The following EML5 variants were observed in gnomAD, a reference collection of about 807,000 sequenced individuals.
EML5 encodes echinoderm microtubule-associated protein-like 5.
In EML5, 120 loss-of-function variants were observed where a neutral mutation model predicts 250.0. The ratio of observed to expected loss-of-function variants is 0.48; its 90% confidence interval spans 0.41 to 0.56. The LOEUF is 0.56. Ranked by LOEUF, EML5 falls within the 20% of genes least tolerant of loss-of-function variation. The probability of loss-of-function intolerance (pLI) is 0.00; values close to 1 mark genes in which losing one functional copy is unlikely to be tolerated. For synonymous variants in EML5, 771 were observed against 806.5 expected (o/e 0.96, Z 0.75); for missense variants, 2,006 against 2,437.6 (o/e 0.82, Z 3.73).
rs776125031 is a variant in EML5, at chr14:88,618,743, C to T, written c.5445G>A (p.Thr1815=). 17 of 1,605,766 alleles carry T rather than the reference C, an allele frequency of 1.1e-5. No individual in the cohort carries two copies. The highest frequency in any genetic ancestry group is 1.6e-4 in the Middle Eastern group (1 of 6,066). Residue 1815 remains threonine, a synonymous_variant, in exon 40 of 44, where the codon ACG becomes ACA. Transcript: ENST00000554922. Reference sequence around the variant, plus strand: ...TGATTCTGTTAAGAGTGGGGCCCAGCGTTAGGTCATAAAAATCCACTGAGT... The same window carrying T: ...TGATTCTGTTAAGAGTGGGGCCCAGTGTTAGGTCATAAAAATCCACTGAGT... ...SENSVDFYDL[T]LGPTLNRISY...
At chr14:88,781,430 C>T (rs185448356) in intron 1 of EML5, among the ~76,000 whole-genome samples, 6 of 152,268 alleles carry the variant, frequency 3.9e-5, no homozygotes, top group African/African-American at 1.4e-4. Flanking sequence ...TTTATCCCAC[C>T]TTGCACACAC....
intron 1 of EML5, among the ~76,000 whole-genome samples, chr14:88,779,736 G>A (rs1237838091): frequency 6.6e-6 from 1 of 152,140 alleles, no homozygotes; most frequent in Non-Finnish European, 1.5e-5. Flanking sequence ...TTATCTTGAG[G>A]AATGAATTTT....
Position 88,620,824 on chromosome 14 carries a change from T to G in EML5, c.5305A>C (p.Ile1769Leu). Residue 1769 changes from isoleucine to leucine, a missense_variant, in exon 39 of 44, where the codon ATT becomes CTT. By Grantham distance (5) the Ile-to-Leu change is conservative. Transcript: ENST00000554922. This position sits in a 1 kb window ranked among gnomAD's most constrained non-coding sequence, Gnocchi z 4.3. ...ATTTTTAGAGAACTCACTAGTAAAA[T>G]GATAAATTCTCCATTTTTCATTCCA... ...AIGMKNGEFI[I>L]LLVSSLKIWG... is the part of the protein sequence containing the mutation. 1 of 1,607,280 alleles carries G rather than the reference T, an allele frequency of 6.2e-7. No homozygotes were observed. The highest frequency in any genetic ancestry group is 8.5e-7 in the Non-Finnish European group (1 of 1,176,646).
intron 31 of EML5, among the ~76,000 whole-genome samples, chr14:88,640,081 G>GC (rs2090973351): frequency 6.6e-6 from 1 of 151,982 alleles, no homozygotes; most frequent in Admixed American, 6.6e-5. Context: ...ATACTACTAG[G>GC]CCCCCCAAAA....
At chr14:88,685,476 C>G (rs769475199) in intron 19 of EML5, among the ~76,000 whole-genome samples, 16 of 151,958 alleles carry the variant, frequency 1.1e-4, no homozygotes, top group Admixed American at 5.2e-4. Context: ...AATTTTAATT[C>G]AATTCAAGAT....
In EML5 at chr14:88,615,525, C is replaced by G; in HGVS notation, c.*293G>C. 1 of 322,136 alleles carries G rather than the reference C, an allele frequency of 3.1e-6. No homozygotes were observed. The highest frequency in any genetic ancestry group is 4.9e-5 in the East Asian group (1 of 20,226). 20.0% of individuals were successfully genotyped at this position (322,136 alleles called of 1,614,324 possible). A position where few individuals can be genotyped will look rare whatever the true frequency, so the allele number is the denominator to read the frequency against. ...AGTGCTCTACCCTAAATTTTCCCAG[C>G]AGGTCTGCCGAAATCACACACTTCC... On this transcript the variant is annotated 3_prime_UTR_variant, in exon 44 of 44. Transcript: ENST00000554922.
chr14:88,650,296 T>C (rs978077346), intron 27 of EML5, among the ~76,000 whole-genome samples: 1 of 151,636 alleles, frequency 6.6e-6, no homozygotes, highest in African/African-American at 2.4e-5. Flanking sequence ...CTACTAAAAA[T>C]AACAAAAAAT....
intron 10 of EML5, among the ~76,000 whole-genome samples, chr14:88,707,047 C>A (rs1446287076): frequency 6.6e-6 from 1 of 152,012 alleles, no homozygotes; most frequent in Non-Finnish European, 1.5e-5. Flanking sequence ...TGGGTTTTGT[C>A]TAATGCCTCC....
chr14:88,664,838 G>A (rs1310901442), intron 22 of EML5, among the ~76,000 whole-genome samples: 3 of 151,918 alleles, frequency 2.0e-5, no homozygotes, highest in Non-Finnish European at 4.4e-5. Flanking sequence ...TAGTTCAGTG[G>A]GAAGCAAATG....
chr14:88,657,312 A>G (rs930370800), intron 27 of EML5, 64 bp downstream of exon 27: 35 of 1,479,054 alleles, frequency 2.4e-5, no homozygotes, highest in Non-Finnish European at 3.1e-5. Flanking sequence ...AGCCACTTAA[A>G]TAATAAATTC....
chr14:88,719,871 T>C (rs539577741), intron 8 of EML5, among the ~76,000 whole-genome samples: 12 of 151,630 alleles, frequency 7.9e-5, no homozygotes, highest in African/African-American at 2.4e-4. Context: ...AAAAAATTAA[T>C]AAAATAAATA....
chr14:88,688,467 C>A lies in EML5; in HGVS notation c.2546G>T (p.Gly849Val). 6.2e-7 allele frequency: 1 copy of A among 1,613,728 alleles called. No homozygotes were observed. The highest frequency in any genetic ancestry group is 8.5e-7 in the Non-Finnish European group (1 of 1,179,852). ...HMKFWRKAGG[G>V]LIGRKGYIGT... ...TATGTAGCCTTTTCTTCCAATCAAT[C>A]CTCCCCCTAGTTCACAAAAAATATT... The change falls in exon 18 of 44, where the codon GGA becomes GTA. Residue 849 changes from glycine (G) to valine (V), a missense_variant. By Grantham distance (109) the Gly-to-Val change is moderately radical. This residue lies in a region of EML5 where 1,375 missense variants were observed against 1,590.3 expected (regional missense o/e 0.86). Coordinates refer to ENST00000554922, the MANE Select transcript of EML5 (RefSeq NM_183387.3).
chr14:88,762,367 G>A (rs979795628), intron 1 of EML5, among the ~76,000 whole-genome samples: 10 of 152,040 alleles, frequency 6.6e-5, no homozygotes, highest in Admixed American at 3.3e-4. Context: ...AAAATTAGCG[G>A]GTTGTGGTGG....
Position 88,620,372 on chromosome 14 carries a change from G to A in EML5, c.5375+382C>T, listed in dbSNP as rs2088663479. 6.1e-6 allele frequency: 1 copy of A among 163,246 alleles called. No homozygotes were observed. Among genetic ancestry groups the A allele is most frequent in the South Asian group, 2.0e-4 (1 of 4,934 alleles). The allele number at this position is 163,246 out of a possible 1,614,324, so 10.1% of individuals were successfully genotyped here. A position where few individuals can be genotyped will look rare whatever the true frequency, so the allele number is the denominator to read the frequency against. On this transcript the variant is annotated intron_variant, in intron 39 of 43. Coordinates refer to ENST00000554922, the MANE Select transcript of EML5 (RefSeq NM_183387.3). This position sits in a 1 kb window ranked among gnomAD's most constrained non-coding sequence, Gnocchi z 4.3. ...TTAATGAACTACATATTCCCAAACT[G>A]AGGTTACTAAGAGAAGATATGTTTG... is the stretch of plus-strand genomic sequence containing the variant.
Position 88,642,816 on chromosome 14 carries a change from C to T in EML5, c.4237+77G>A, listed in dbSNP as rs1490304651. Reference sequence around the variant, plus strand: ...TTTCAATTACTATTTATAGCTTTAACAAAGATTTTAAGCTGCTAGATCAAA... The same window carrying T: ...TTTCAATTACTATTTATAGCTTTAATAAAGATTTTAAGCTGCTAGATCAAA... On this transcript the variant is annotated intron_variant, in intron 31 of 43. Transcript: ENST00000554922. 5.1e-6 allele frequency: 7 copies of T among 1,376,996 alleles called. No homozygotes were observed. In the African/African-American group the frequency reaches 9.0e-5, roughly 18 times the overall value. The allele number at this position is 1,376,996 out of a possible 1,614,324, so 85.3% of individuals were successfully genotyped here.
chr14:88,705,687 G>A, intron 11 of EML5, 99 bp from the exon 12 acceptor site: 1 of 837,322 alleles, frequency 1.2e-6, no homozygotes, highest in South Asian at 1.5e-5. Flanking sequence ...AGTTGACATG[G>A]AGACAAGCCA....
intron 39 of EML5, 186 bp from the exon 40 acceptor site, chr14:88,618,998 A>G (rs2088303318): frequency 6.5e-6 from 3 of 458,080 alleles, no homozygotes; most frequent in Non-Finnish European, 7.3e-6. Flanking sequence ...AGGAAGCTTT[A>G]TATTTTACTT....
chr14:88,658,407 C>G lies in EML5; in HGVS notation c.3676-19G>C. The stretch of plus-strand genomic sequence containing the variant: ...ATTTCCCCTAAAGAGGAAGAAAATT[C>G]AAACAATCTTTCTGAGAAATTTCAT... On this transcript the variant is annotated intron_variant, in intron 25 of 43. Transcript: ENST00000554922. 2 of 1,548,330 alleles carry G rather than the reference C, an allele frequency of 1.3e-6. No individual in the cohort carries two copies. The highest frequency in any genetic ancestry group is 1.8e-6 in the Non-Finnish European group (2 of 1,138,144).
intron 27 of EML5, among the ~76,000 whole-genome samples, 159 bp downstream of exon 27, chr14:88,657,217 G>T (rs562184799): frequency 4.6e-5 from 7 of 152,014 alleles, no homozygotes; most frequent in Non-Finnish European, 1.0e-4. Context: ...GATACCAAAA[G>T]GTATTTAAAG....
Sources: allele counts gnomAD v4.1 joint callset (sites outside exome capture counted in the v4.1 genomes callset), GRCh38; gene constraint gnomAD v4.1.1; regional missense constraint gnomAD v4.1.1; non-coding constraint Gnocchi (gnomAD v3.1); transcripts MANE v1.5; gene names NCBI Gene and HGNC (gene_info 2026-07-23, HGNC 2026-07-21).